Variants in NFIX observed in about 807,000 individuals in gnomAD.
NFIX encodes the protein nuclear factor I X, also known as nuclear factor 1 X-type.
NFIX carries 2 observed loss-of-function variants against 53.3 expected under a neutral mutation model. The observed-to-expected ratio is 0.04, with a 90% CI of 0.02 to 0.12. The LOEUF is 0.12. Among genes scored for constraint, NFIX ranks in the 10% least tolerant of loss-of-function variants. The pLI, the probability that NFIX is intolerant of heterozygous loss-of-function variation, is 1.00. For missense variants in NFIX, 310 were observed against 674.5 expected (o/e 0.46, Z 5.99); for synonymous variants, 244 against 289.0 (o/e 0.84, Z 1.58).
At chr19:13,024,718 G>T (rs1247369511) in intron 1 of NFIX, 1 of 1,535,830 alleles carries the variant, frequency 6.5e-7, no homozygotes, top group Admixed American at 2.0e-5. Context: ...GTGCGCGTGT[G>T]TGTGAGTGAG....
At position 13,025,637 on chromosome 19, in the gene NFIX, C is replaced by T. The variant is rs531102627; in HGVS notation, c.559+85C>T. 2.7e-5 allele frequency: 40 copies of T among 1,475,874 alleles called. No individual in the cohort carries two copies. Among genetic ancestry groups the T allele is most frequent in the South Asian group, 1.7e-4 (13 of 77,974 alleles). The allele number at this position is 1,475,874 out of a possible 1,614,324, so 91.4% of individuals were successfully genotyped here. A position where few individuals can be genotyped will look rare whatever the true frequency, so the allele number is the denominator to read the frequency against. ...GTTTATTGTTCCTCTAATTTCCAAG[C>T]GATAACTCGCCATGGGCCTAACTGG... is the stretch of plus-strand genomic sequence containing the variant. On this transcript the variant is annotated intron_variant, in intron 2 of 10. Coordinates refer to ENST00000592199, the MANE Select transcript of NFIX (RefSeq NM_001365902.3). The surrounding 1 kb of genome is among the most constrained non-coding windows in gnomAD (Gnocchi z 7.5).
At chr19:13,010,959 T>G (rs1312465101) in intron 1 of NFIX, among the ~76,000 whole-genome samples, 1 of 152,218 alleles carries the variant, frequency 6.6e-6, no homozygotes, top group African/African-American at 2.4e-5. Context: ...CGCCCCTGCA[T>G]GTGCTATATT....
intron 1 of NFIX, among the ~76,000 whole-genome samples, chr19:13,016,009 T>G (rs2012647446): frequency 6.6e-6 from 1 of 152,216 alleles, no homozygotes; most frequent in African/African-American, 2.4e-5. Flanking sequence ...CTTAAAAATT[T>G]AAGGCTTGTT....
chr19:13,023,279 T>C (rs2013060198), intron 1 of NFIX, among the ~76,000 whole-genome samples: 3 of 150,336 alleles, frequency 2.0e-5, no homozygotes. Context: ...CCCCATCCCA[T>C]CCACGTCCTC....
rs569415690 is a variant in NFIX at position 13,001,257 on chromosome 19, G to A, written c.27+5393G>A. On this transcript the variant is annotated intron_variant, in intron 1 of 10. Transcript: ENST00000592199. This position sits in a 1 kb window ranked among gnomAD's most constrained non-coding sequence, Gnocchi z 6.5. Reference sequence around the variant, plus strand: ...CAGGCCTCAGAGCCACCATTTTCCCGAGGATGTCTGTGTGGCAGCGTGTGT... The same window carrying A: ...CAGGCCTCAGAGCCACCATTTTCCCAAGGATGTCTGTGTGGCAGCGTGTGT... Among the ~76,000 whole-genome samples the A allele has an allele frequency of 3.3e-5, 5 of 152,194 alleles. No homozygotes were observed. Among genetic ancestry groups the A allele is most frequent in the Admixed American group, 6.5e-5 (1 of 15,288 alleles).
chr19:13,033,694 C>G (rs1266815874), intron 2 of NFIX, among the ~76,000 whole-genome samples: 1 of 152,226 alleles, frequency 6.6e-6, no homozygotes, highest in South Asian at 2.1e-4. Context: ...TAAGTCCTCT[C>G]TATGTATTAA....
intron 10 of NFIX, among the ~76,000 whole-genome samples, chr19:13,091,412 A>G (rs1786951702): frequency 6.7e-6 from 1 of 149,752 alleles, no homozygotes; most frequent in African/African-American, 2.4e-5. Flanking sequence ...AAAAAAAAAA[A>G]AAAAAAAAGC....
chr19:13,057,380 G>A (rs542946389), intron 2 of NFIX, among the ~76,000 whole-genome samples: 2 of 152,244 alleles, frequency 1.3e-5, no homozygotes, highest in Admixed American at 1.3e-4. Context: ...GGGAGGAGGC[G>A]GAAAGCCGAC....
chr19:13,055,478 G>A (rs890306713), intron 2 of NFIX, among the ~76,000 whole-genome samples: 1 of 152,166 alleles, frequency 6.6e-6, no homozygotes, highest in Non-Finnish European at 1.5e-5. Context: ...TGCGAGGGCC[G>A]GCCGCACTCC....
intron 2 of NFIX, among the ~76,000 whole-genome samples, chr19:13,041,930 C>T (rs2014654968): frequency 6.6e-6 from 1 of 151,952 alleles, no homozygotes; most frequent in South Asian, 2.1e-4. Context: ...TGGAGTCTCG[C>T]TCTGTCGCCC....
intron 1 of NFIX, among the ~76,000 whole-genome samples, chr19:13,010,831 G>C (rs1290945143): frequency 6.6e-6 from 1 of 152,314 alleles, no homozygotes; most frequent in East Asian, 1.9e-4. Flanking sequence ...AGGTTGTTGC[G>C]GGAGCCGGCA....
chr19:13,073,637 C>A lies in NFIX; in HGVS notation c.697+141C>A. 1 of 835,788 alleles carries A rather than the reference C, an allele frequency of 1.2e-6. No homozygotes were observed. The highest frequency in any genetic ancestry group is 1.6e-5 in the South Asian group (1 of 63,452). 51.8% of individuals were successfully genotyped at this position (835,788 alleles called of 1,614,324 possible). ...TGGGACACTCTCGGCTTCACTGGTG[C>A]TGGGCTGGGTACAATAGAGTCTTCC... On this transcript the variant is annotated intron_variant, in intron 4 of 10. Transcript: ENST00000592199. The surrounding 1 kb of genome is among the most constrained non-coding windows in gnomAD (Gnocchi z 4.5).
Position 13,093,501 on chromosome 19 carries a change from C to T in NFIX, c.1495-1134C>T, listed in dbSNP as rs2018262213. Among the ~76,000 whole-genome samples the T allele has an allele frequency of 6.6e-6, 1 of 152,214 alleles. No individual in the cohort carries two copies. Among genetic ancestry groups the T allele is most frequent in the Non-Finnish European group, 1.5e-5 (1 of 68,028 alleles). ...AGACCCTGCTTCCTCGTGCTCGCAGCACAGGCAGCAGTTAGGAGCACAGCC... is the reference window on the plus strand; with the variant it reads ...AGACCCTGCTTCCTCGTGCTCGCAGTACAGGCAGCAGTTAGGAGCACAGCC... On this transcript the variant is annotated intron_variant, in intron 10 of 10. Transcript: ENST00000592199. The surrounding 1 kb of genome is among the most constrained non-coding windows in gnomAD (Gnocchi z 4.7).
intron 2 of NFIX, among the ~76,000 whole-genome samples, chr19:13,029,076 TAAA>T (rs1163579482): frequency 6.6e-6 from 1 of 152,180 alleles, no homozygotes; most frequent in African/African-American, 2.4e-5. Flanking sequence ...TTTCTTTATC[TAAA>T]CTCTTTAATG....
chr19:13,078,505 A>C lies in NFIX; in HGVS notation c.956-108A>C, dbSNP rs1352619323. The C allele has an allele frequency of 7.5e-7, 1 of 1,340,376 alleles. No homozygotes were observed. Among genetic ancestry groups the C allele is most frequent in the Non-Finnish European group, 1.0e-6 (1 of 975,670 alleles). The allele number at this position is 1,340,376 out of a possible 1,614,324, so 83.0% of individuals were successfully genotyped here. On this transcript the variant is annotated intron_variant, in intron 6 of 10. Transcript: ENST00000592199. This position sits in a 1 kb window ranked among gnomAD's most constrained non-coding sequence, Gnocchi z 4.7. ...GAGGGAGCACAGTGGAGGAAGGGGC[A>C]GTGGGGAGGGGCTGAGGAGAGAAGG...
rs150960488 is a variant in NFIX, at chr19:13,064,535, T to C, written c.560-8512T>C. ...TATTGCACACCGATGTGGGGAGGGA[T>C]ATGCCTGTACAGGTGTCTGCCCAGG... On this transcript the variant is annotated intron_variant, in intron 2 of 10. Transcript: ENST00000592199. Among the ~76,000 whole-genome samples, 676 of 152,330 alleles carry C rather than the reference T, an allele frequency of 4.4e-3. 7 individuals are homozygous for C. The highest frequency in any genetic ancestry group is 0.016 in the African/African-American group (649 of 41,576).
intron 10 of NFIX, among the ~76,000 whole-genome samples, chr19:13,091,956 T>C (rs1386099925): frequency 6.6e-6 from 1 of 152,220 alleles, no homozygotes; most frequent in Non-Finnish European, 1.5e-5. Flanking sequence ...TCTCCCCCCA[T>C]GTTCCCTGTG....
chr19:13,017,290 G>T (rs1470327287), intron 1 of NFIX, among the ~76,000 whole-genome samples: 2 of 152,304 alleles, frequency 1.3e-5, no homozygotes, highest in East Asian at 3.9e-4. Context: ...AGGGAAATGT[G>T]GATTCTTGGG....
rs1019678011 is a variant in NFIX at position 13,001,770 on chromosome 19, C to A, written c.27+5906C>A. Among the ~76,000 whole-genome samples the A allele has an allele frequency of 3.3e-5, 5 of 152,218 alleles. No individual in the cohort carries two copies. The East Asian group carries it at 9.7e-4, about 29-fold the overall frequency. ...CCCACGGGCGCCTCTCCTGGGCATT[C>A]CCTTGGCCTCCGAGCACCATGTGAG... On this transcript the variant is annotated intron_variant, in intron 1 of 10. Coordinates refer to ENST00000592199, the MANE Select transcript of NFIX (RefSeq NM_001365902.3). The surrounding 1 kb of genome is among the most constrained non-coding windows in gnomAD (Gnocchi z 6.5).
Sources: gnomAD v4.1 joint callset for allele counts (sites outside exome capture counted in the v4.1 genomes callset) on GRCh38, gnomAD v4.1.1 for gene constraint, Gnocchi (gnomAD v3.1) non-coding constraint, MANE v1.5 for transcripts, NCBI Gene and HGNC (gene_info 2026-07-23, HGNC 2026-07-21) for gene names.